The following ITPRID2 variants were observed in gnomAD, a reference collection of about 807,000 sequenced individuals.
ITPRID2 encodes ITPR interacting domain containing 2, also known as protein ITPRID2.
Under a neutral mutation model 124.3 loss-of-function variants are expected in ITPRID2, and 60 were observed. The ratio of observed to expected loss-of-function variants is 0.48; its 90% CI spans 0.39 to 0.60. The LOEUF is 0.60. Ranked by LOEUF, ITPRID2 falls within the 20% of genes least tolerant of loss-of-function variation. The pLI is 0.00. For synonymous variants in ITPRID2, 521 were observed against 542.9 expected, an observed-to-expected ratio of 0.96 and a Z score of 0.56; for missense variants, 1,553 against 1,512.2, an observed-to-expected ratio of 1.03 and a Z score of -0.45.
chr2:181,901,180 CAAGAAGAA>C (rs1474882015), intron 7 of ITPRID2, among the ~76,000 whole-genome samples: 1 of 152,064 alleles, frequency 6.6e-6, no homozygotes, highest in Non-Finnish European at 1.5e-5. Flanking sequence ...TGCTTTTATT[CAAGAAGAA>C]AAGAAGTAGG....
rs759948888 is a variant in ITPRID2 at position 181,922,076 on chromosome 2, ATCT to A, written c.3343_3345del (p.Ser1115del). The A allele has an allele frequency of 6.2e-7, 1 of 1,614,242 alleles. No individual in the cohort carries two copies. The highest frequency in any genetic ancestry group is 8.5e-7 in the Non-Finnish European group (1 of 1,180,046). ...TTTTTTCCCAAGCAACATCAGAATC[ATCT>A]TCTGTATGTTCTGGTCCCTCTCATG... On this transcript the variant is annotated inframe_deletion, in exon 16 of 18. Coordinates refer to ENST00000431877, the MANE Select transcript of ITPRID2 (RefSeq NM_001130445.3).
At chr2:181,916,939 C>T in intron 11 of ITPRID2, 1 of 990,572 alleles carries the variant, frequency 1.0e-6, no homozygotes, top group Non-Finnish European at 1.2e-6. Context: ...ATGCTGTGCA[C>T]AGAGTTAGTC....
Position 181,913,092 on chromosome 2 carries a change from G to T in ITPRID2, c.1487-753G>T, listed in dbSNP as rs542634577. Among the ~76,000 whole-genome samples the T allele has an allele frequency of 3.3e-5, 5 of 151,742 alleles. 1 individual carries two copies. The highest frequency in any genetic ancestry group is 9.7e-5 in the African/African-American group (4 of 41,386). On this transcript the variant is annotated intron_variant, in intron 9 of 17. Coordinates refer to ENST00000431877, the MANE Select transcript of ITPRID2 (RefSeq NM_001130445.3). The stretch of plus-strand genomic sequence containing the variant: ...TTATTTATTTATTTTTTTTGAGACG[G>T]AGTCTTGCTCTGTCGCCCAGGCTGG...
chr2:181,912,776 A>G (rs1034419748), intron 9 of ITPRID2, among the ~76,000 whole-genome samples: 2 of 152,202 alleles, frequency 1.3e-5, no homozygotes, highest in Non-Finnish European at 2.9e-5. Context: ...TGTGGATAGA[A>G]TGTGAACATA....
chr2:181,901,484 C>G (rs1159044180), intron 7 of ITPRID2, among the ~76,000 whole-genome samples: 1 of 152,110 alleles, frequency 6.6e-6, no homozygotes, highest in Non-Finnish European at 1.5e-5. Flanking sequence ...ACTGTAGATT[C>G]AATAGCTAGT....
intron 16 of ITPRID2, among the ~76,000 whole-genome samples, chr2:181,927,801 T>C (rs1420803373): frequency 6.6e-6 from 1 of 152,244 alleles, no homozygotes; most frequent in Non-Finnish European, 1.5e-5. Context: ...CTGATTACCT[T>C]ACAAAGTTAG....
rs986132220 is a variant in ITPRID2, at chr2:181,892,352, A to G, written c.211+75A>G. On this transcript the variant is annotated intron_variant, in intron 1 of 17. Coordinates refer to ENST00000431877, the MANE Select transcript of ITPRID2 (RefSeq NM_001130445.3). The surrounding 1 kb of genome is among the most constrained non-coding windows in gnomAD (Gnocchi z 5.2). Reference sequence around the variant, plus strand: ...GTCTCGTGCGCCCTGGGCGCCTGCCACGAGTTCTGGGAGAGCCTCGGGCAC... The same window carrying G: ...GTCTCGTGCGCCCTGGGCGCCTGCCGCGAGTTCTGGGAGAGCCTCGGGCAC... 3.3e-4 allele frequency: 475 copies of G among 1,453,298 alleles called. No homozygotes were observed. Among genetic ancestry groups the G allele is most frequent in the Non-Finnish European group, 4.0e-4 (434 of 1,091,592 alleles). 90.0% of individuals were successfully genotyped at this position (1,453,298 alleles called of 1,614,324 possible).
chr2:181,924,179 T>A (rs185836359), intron 16 of ITPRID2, among the ~76,000 whole-genome samples: 2 of 152,172 alleles, frequency 1.3e-5, no homozygotes, highest in African/African-American at 4.8e-5. Flanking sequence ...AAAATATGTA[T>A]AGATCAAACA....
intron 17 of ITPRID2, among the ~76,000 whole-genome samples, chr2:181,928,758 T>C (rs1330108669): frequency 1.3e-5 from 2 of 152,002 alleles, no homozygotes; most frequent in African/African-American, 4.8e-5. Context: ...CCCAAGTAGC[T>C]GGGACTACAG....
At chr2:181,901,724 A>G (rs1692681330) in intron 7 of ITPRID2, 42 bp from the exon 8 acceptor site, 1 of 1,337,216 alleles carries the variant, frequency 7.5e-7, no homozygotes, top group African/African-American at 1.5e-5. Context: ...GTATGTATAT[A>G]TATAAATATA....
chr2:181,899,211 CAGAA>C (rs1287440089), intron 6 of ITPRID2, 99 bp downstream of exon 6: 29 of 828,892 alleles, frequency 3.5e-5, no homozygotes, highest in South Asian at 2.8e-4. Flanking sequence ...CATATGAAAT[CAGAA>C]AGAACACAAA....
chr2:181,915,955 C>A lies in ITPRID2; in HGVS notation c.2315C>A (p.Thr772Asn). 6.2e-7 allele frequency: 1 copy of A among 1,614,180 alleles called. No individual in the cohort carries two copies. The change falls in exon 11 of 18, where the codon ACC becomes AAC. Residue 772 changes from threonine to asparagine, a missense_variant. Coordinates refer to ENST00000431877, the MANE Select transcript of ITPRID2 (RefSeq NM_001130445.3). ...KETRCSPPSF[T>N]YKYTPEEEQE... ...ACCAGATGCAGCCCACCTTCCTTCA[C>A]CTATAAGTACACACCTGAAGAGGAG...
chr2:181,892,562 G>A lies in ITPRID2; in HGVS notation c.212-53G>A. 1.9e-6 allele frequency: 3 copies of A among 1,610,278 alleles called. No individual in the cohort carries two copies. The highest frequency in any genetic ancestry group is 2.5e-6 in the Non-Finnish European group (3 of 1,176,522). ...ACTTGGGAGGGTCCAGGGTGACTCC[G>A]CCGTCGTAGTGCTCCTGGGTGGTAA... On this transcript the variant is annotated intron_variant, in intron 1 of 17. Transcript: ENST00000431877. This position sits in a 1 kb window ranked among gnomAD's most constrained non-coding sequence, Gnocchi z 5.2.
In ITPRID2 at chr2:181,892,751, C is replaced by G. The variant is rs1691856044; in HGVS notation, c.257+91C>G. ...CCACTCGGGCCGCGTCCCTGTGGGTCCCGCGACCGTTGTAAGCTACAAACC... is the reference window on the plus strand; with the variant it reads ...CCACTCGGGCCGCGTCCCTGTGGGTGCCGCGACCGTTGTAAGCTACAAACC... On this transcript the variant is annotated intron_variant, in intron 2 of 17. Coordinates refer to ENST00000431877, the MANE Select transcript of ITPRID2 (RefSeq NM_001130445.3). This position sits in a 1 kb window ranked among gnomAD's most constrained non-coding sequence, Gnocchi z 5.2. 6.7e-7 allele frequency: 1 copy of G among 1,482,930 alleles called. No individual in the cohort carries two copies. Among genetic ancestry groups the G allele is most frequent in the Non-Finnish European group, 9.4e-7 (1 of 1,065,902 alleles). The allele number at this position is 1,482,930 out of a possible 1,614,324, so 91.9% of individuals were successfully genotyped here.
At chr2:181,923,891 T>C (rs1694669011) in intron 16 of ITPRID2, among the ~76,000 whole-genome samples, 1 of 152,192 alleles carries the variant, frequency 6.6e-6, no homozygotes, top group Non-Finnish European at 1.5e-5. Flanking sequence ...CATTGATTCT[T>C]TGGCTTATAA....
chr2:181,924,524 A>G (rs1278835976), intron 16 of ITPRID2, among the ~76,000 whole-genome samples: 2 of 152,342 alleles, frequency 1.3e-5, no homozygotes, highest in African/African-American at 2.4e-5. Context: ...CAGGAAGGCA[A>G]GATTTAATCT....
In ITPRID2 at chr2:181,902,972, C is replaced by T. The variant is rs1026077716; in HGVS notation, c.1413+506C>T. ...AGAACATGAAGATATTACGTACCTG[C>T]ATGGGGAGGATAGGGACCCTAGAAT... On this transcript the variant is annotated intron_variant, in intron 8 of 17. Coordinates refer to ENST00000431877, the MANE Select transcript of ITPRID2 (RefSeq NM_001130445.3). This position sits in a 1 kb window ranked among gnomAD's most constrained non-coding sequence, Gnocchi z 4.4. 1.3e-5 allele frequency among the ~76,000 whole-genome samples: 2 copies of T among 152,104 alleles called. No homozygotes were observed. The highest frequency in any genetic ancestry group is 4.2e-4 in the South Asian group (2 of 4,814).
In ITPRID2 at chr2:181,892,284, G is replaced by T; in HGVS notation, c.211+7G>T. On this transcript the variant is annotated splice_region_variant and intron_variant, in intron 1 of 17. Coordinates refer to ENST00000431877, the MANE Select transcript of ITPRID2 (RefSeq NM_001130445.3). This position sits in a 1 kb window ranked among gnomAD's most constrained non-coding sequence, Gnocchi z 5.2. ...CCGGCAGCGGGGGGAAGAGGTCGGT[G>T]CTCCCGGCCGGGCTCCGGGGGGAGG... The T allele has an allele frequency of 1.9e-6, 3 of 1,542,336 alleles. No homozygotes were observed. Among genetic ancestry groups the T allele is most frequent in the Non-Finnish European group, 1.7e-6 (2 of 1,143,350 alleles).
rs543734058 is a variant in ITPRID2 at position 181,905,566 on chromosome 2, C to T, written c.1413+3100C>T. 1.3e-5 allele frequency among the ~76,000 whole-genome samples: 2 copies of T among 152,236 alleles called. No homozygotes were observed. Among genetic ancestry groups the T allele is most frequent in the South Asian group, 4.1e-4 (2 of 4,828 alleles). On this transcript the variant is annotated intron_variant, in intron 8 of 17. Transcript: ENST00000431877. The surrounding 1 kb of genome is among the most constrained non-coding windows in gnomAD (Gnocchi z 4.1). ...TCATCTTTTAGATGTAAAGGAAAAA[C>T]TTAAGAAGGAGAACTTTTATCTCAG... is the stretch of plus-strand genomic sequence containing the variant.
Sources: allele counts gnomAD v4.1 joint callset (sites outside exome capture counted in the v4.1 genomes callset), GRCh38; gene constraint gnomAD v4.1.1; non-coding constraint Gnocchi (gnomAD v3.1); transcripts MANE v1.5; gene names NCBI Gene and HGNC (gene_info 2026-07-23, HGNC 2026-07-21).